Variants in SRPRA observed in about 807,000 individuals in gnomAD.
The protein encoded by SRPRA is signal recognition particle receptor subunit alpha.
In SRPRA, 30 loss-of-function variants were observed where a neutral mutation model predicts 61.1. The ratio of observed to expected loss-of-function variants is 0.49; its 90% CI spans 0.37 to 0.67. The LOEUF (loss-of-function observed/expected upper bound fraction) is 0.67. Ranked by LOEUF, SRPRA falls within the 30% of genes least tolerant of loss-of-function variation. The probability of loss-of-function intolerance (pLI) is 0.00; values close to 1 mark genes in which losing one functional copy is unlikely to be tolerated. For missense variants in SRPRA, 759 were observed against 828.4 expected (o/e 0.92, Z 1.03); for synonymous variants, 324 against 299.7 (o/e 1.08, Z -0.84).
chr11:126,245,822 C>A, the SRPRA span, among the ~76,000 whole-genome samples: 28 of 152,148 alleles, frequency 1.8e-4, 1 homozygote, highest in East Asian at 1.9e-3. Context: ...CATGGTGAAA[C>A]CCCATCTCTA....
At chr11:126,255,239 A>T in the SRPRA span, among the ~76,000 whole-genome samples, 1 of 152,230 alleles carries the variant, frequency 6.6e-6, no homozygotes, top group South Asian at 2.1e-4. This position sits in a 1 kb window ranked among gnomAD's most constrained non-coding sequence, Gnocchi z 4.6. Context: ...TCAGATAAAC[A>T]TGTTCAAACC....
chr11:126,263,852 A>G lies in SRPRA; in HGVS notation c.*64T>C. 17 of 1,598,406 alleles carry G rather than the reference A, an allele frequency of 1.1e-5. No homozygotes were observed. The highest frequency in any genetic ancestry group is 1.4e-5 in the Non-Finnish European group (17 of 1,173,080). ...AGGTTGCTCACATACTCTAAAGCAC[A>G]TTCTTGATACAGGAAGAAGGGCTTG... On this transcript the variant is annotated 3_prime_UTR_variant, in exon 14 of 14. Coordinates refer to ENST00000332118, the MANE Select transcript of SRPRA (RefSeq NM_003139.4).
rs761681473 is a variant in SRPRA at position 126,267,498 on chromosome 11, G to A, written c.365+51C>T. ...ACCACCTTTGAACCACCTTCAGAGA[G>A]GTCATCAAATCATGGAAATAAATTG... is the stretch of plus-strand genomic sequence containing the variant. On this transcript the variant is annotated intron_variant, in intron 3 of 13. Coordinates refer to ENST00000332118, the MANE Select transcript of SRPRA (RefSeq NM_003139.4). The surrounding 1 kb of genome is among the most constrained non-coding windows in gnomAD (Gnocchi z 4.2). The A allele has an allele frequency of 1.2e-6, 2 of 1,609,692 alleles. No homozygotes were observed. The highest frequency in any genetic ancestry group is 2.2e-5 in the South Asian group (2 of 90,746).
rs1370509055 is a variant in SRPRA at position 126,263,265 on chromosome 11, A to G, written c.*651T>C. On this transcript the variant is annotated 3_prime_UTR_variant, in exon 14 of 14. Coordinates refer to ENST00000332118, the MANE Select transcript of SRPRA (RefSeq NM_003139.4). ...GAAGAGTTGGGAGGCCAAGAAGCCC[A>G]ATGCAACGCTGCAGCTGAGCTCCTT... 1 of 152,406 alleles carries G rather than the reference A, an allele frequency of 6.6e-6. No individual in the cohort carries two copies. Among genetic ancestry groups the G allele is most frequent in the East Asian group, 1.9e-4 (1 of 5,200 alleles). 9.4% of individuals were successfully genotyped at this position (152,406 alleles called of 1,614,324 possible).
chr11:126,241,212 G>GACCCTACTCAGGACAGTTGTCTTA, the SRPRA span: 2 of 663,220 alleles, frequency 3.0e-6, no homozygotes, highest in Non-Finnish European at 4.9e-6. Context: ...TCTGTTTATG[G>GACCCTACTCAGGACAGTTGTCTTA]ACCCTACTCA....
chr11:126,244,330 A>G, the SRPRA span, among the ~76,000 whole-genome samples: 4 of 152,224 alleles, frequency 2.6e-5, no homozygotes, highest in African/African-American at 7.2e-5. This position sits in a 1 kb window ranked among gnomAD's most constrained non-coding sequence, Gnocchi z 4.5. Context: ...TCTAGTCTAT[A>G]GAAGATCCTA....
chr11:126,248,102 C>T, the SRPRA span, among the ~76,000 whole-genome samples: 1 of 149,720 alleles, frequency 6.7e-6, no homozygotes. Flanking sequence ...GCCAAAATCA[C>T]GCCATTGCAC....
the SRPRA span, among the ~76,000 whole-genome samples, chr11:126,252,993 C>T: frequency 6.6e-6 from 1 of 152,186 alleles, no homozygotes; most frequent in African/African-American, 2.4e-5. This position sits in a 1 kb window ranked among gnomAD's most constrained non-coding sequence, Gnocchi z 4.7. Context: ...CAAGATTGCG[C>T]CACTGTGCTC....
At chr11:126,266,429 C>T in intron 6 of SRPRA, 47 bp downstream of exon 6, 1 of 1,602,868 alleles carries the variant, frequency 6.2e-7, no homozygotes, top group East Asian at 2.2e-5. Flanking sequence ...ACTCTACTTC[C>T]TCCCAATTTG....
At chr11:126,252,658 G>A in the SRPRA span, among the ~76,000 whole-genome samples, 5 of 151,902 alleles carry the variant, frequency 3.3e-5, no homozygotes, top group South Asian at 4.2e-4. The surrounding 1 kb of genome is among the most constrained non-coding windows in gnomAD (Gnocchi z 4.7). Context: ...CAGGACGATC[G>A]ATTGAGCTGA....
the SRPRA span, among the ~76,000 whole-genome samples, chr11:126,242,174 A>G: frequency 6.6e-6 from 1 of 152,192 alleles, no homozygotes; most frequent in Non-Finnish European, 1.5e-5. Context: ...TTAAAATTTC[A>G]TGACTGGATC....
downstream of SRPRA, chr11:126,262,667 A>ACTTTTAGAG (rs1950726456): frequency 1.3e-5 from 2 of 152,860 alleles, no homozygotes; most frequent in African/African-American, 4.8e-5. Context: ...CCCTGGCTCT[A>ACTTTTAGAG]CTTTTAGAGT....
In SRPRA at chr11:126,266,583, G is replaced by T; in HGVS notation, c.733C>A (p.Pro245Thr). The change falls in exon 6 of 14, where the codon CCC (proline) becomes ACC (threonine). Residue 245 changes from proline (P) to threonine (T), a missense_variant. By Grantham distance (38) the Pro-to-Thr change is conservative. This residue lies in a region of SRPRA where 475 missense variants were observed against 462.5 expected (regional missense o/e 1.03). Transcript: ENST00000332118. ...DAPKEKGKKA[P>T]RVWELGGCAN... Reference sequence around the variant, plus strand: ...CAGCCACCCAGTTCCCACACCCGGGGTGCTTTTTTGCCCTTCTCCTTTGGA... The same window carrying T: ...CAGCCACCCAGTTCCCACACCCGGGTTGCTTTTTTGCCCTTCTCCTTTGGA... The T allele has an allele frequency of 1.2e-6, 2 of 1,614,204 alleles. No individual in the cohort carries two copies. Among genetic ancestry groups the T allele is most frequent in the Non-Finnish European group, 1.7e-6 (2 of 1,180,044 alleles).
At chr11:126,268,648 GA>G in intron 1 of SRPRA, 39 bp downstream of exon 1, 1 of 1,561,158 alleles carries the variant, frequency 6.4e-7, no homozygotes, top group Non-Finnish European at 8.8e-7. Context: ...ATCGGGTCAG[GA>G]AAGAAGAGCC....
At chr11:126,248,730 T>C in the SRPRA span, among the ~76,000 whole-genome samples, 1 of 152,164 alleles carries the variant, frequency 6.6e-6, no homozygotes, top group Non-Finnish European at 1.5e-5. Flanking sequence ...AATAATGACA[T>C]TAATCAATTC....
chr11:126,255,354 A>G, the SRPRA span, among the ~76,000 whole-genome samples: 1 of 152,178 alleles, frequency 6.6e-6, no homozygotes, highest in Non-Finnish European at 1.5e-5. The surrounding 1 kb of genome is among the most constrained non-coding windows in gnomAD (Gnocchi z 4.6). Flanking sequence ...GACCGAGAAA[A>G]TGTATTGTCT....
At position 126,267,540 on chromosome 11, in the gene SRPRA, G is replaced by A. The variant is rs1950838389; in HGVS notation, c.365+9C>T. 3 of 1,613,772 alleles carry A rather than the reference G, an allele frequency of 1.9e-6. No individual in the cohort carries two copies. The highest frequency in any genetic ancestry group is 2.2e-5 in the South Asian group (2 of 91,070). ...AATAAATTGATTTTAGAGAAGGCAG[G>A]TCTCTCACCGAAGGAGCCGCAGGAA... On this transcript the variant is annotated intron_variant, in intron 3 of 13. Coordinates refer to ENST00000332118, the MANE Select transcript of SRPRA (RefSeq NM_003139.4). This position sits in a 1 kb window ranked among gnomAD's most constrained non-coding sequence, Gnocchi z 4.2.
chr11:126,249,731 C>CAAAAAAAAAAA, the SRPRA span, among the ~76,000 whole-genome samples: 76 of 78,826 alleles, frequency 9.6e-4, 2 homozygotes, highest in Non-Finnish European at 1.2e-3. Context: ...GACTCCGTCT[C>CAAAAAAAAAAA]AAAAAAAAAA....
Position 126,265,053 on chromosome 11 carries a change from A to G in SRPRA, c.1431T>C (p.Pro477=). 1 of 1,614,124 alleles carries G rather than the reference A, an allele frequency of 6.2e-7. No homozygotes were observed. The highest frequency in any genetic ancestry group is 8.5e-7 in the Non-Finnish European group (1 of 1,180,016). The part of the protein sequence containing the change: ...THTRRLSALH[P]PEKHGGRTMV... ...TGGTGCGGCCACCATGCTTCTCTGG[A>G]GGGTGTAGGGCACTCAAACGCCGGG... Residue 477 remains proline, a synonymous_variant, in exon 11 of 14, where the codon CCT becomes CCC. Transcript: ENST00000332118. This position sits in a 1 kb window ranked among gnomAD's most constrained non-coding sequence, Gnocchi z 6.3.
Sources: allele counts gnomAD v4.1 joint callset (sites outside exome capture counted in the v4.1 genomes callset), GRCh38; gene constraint gnomAD v4.1.1; regional missense constraint gnomAD v4.1.1; non-coding constraint Gnocchi (gnomAD v3.1); transcripts MANE v1.5; gene names NCBI Gene and HGNC (gene_info 2026-07-23, HGNC 2026-07-21).